EPHB1: variants seen among roughly 807,000 people sequenced by gnomAD.
EPHB1 encodes EPH receptor B1.
A neutral mutation model predicts 94.4 loss-of-function variants in EPHB1; 30 were observed. That is an observed-to-expected ratio of 0.32 (90% CI 0.24 to 0.43). EPHB1 has a LOEUF of 0.43. EPHB1 is among the 20% of genes least tolerant of loss of function. EPHB1 has a pLI of 1.00. For synonymous variants in EPHB1, 522 were observed against 489.1 expected, an observed-to-expected ratio of 1.07 and a Z score of -0.89; for missense variants, 1,055 against 1,308.3, an observed-to-expected ratio of 0.81 and a Z score of 2.99.
At chr3:135,052,969 A>ATG (rs1559810962) in intron 3 of EPHB1, among the ~76,000 whole-genome samples, 2 of 113,776 alleles carry the variant, frequency 1.8e-5, no homozygotes, top group South Asian at 3.0e-4. Flanking sequence ...GTGTATATAT[A>ATG]TGTGTATATA....
At chr3:135,107,366 A>T (rs1283278148) in intron 4 of EPHB1, among the ~76,000 whole-genome samples, 1 of 152,298 alleles carries the variant, frequency 6.6e-6, no homozygotes, top group East Asian at 1.9e-4. Flanking sequence ...TCTCCCCAAT[A>T]ATTGTGGAAG....
At chr3:135,198,298 A>G (rs561938730) in intron 11 of EPHB1, among the ~76,000 whole-genome samples, 2 of 152,268 alleles carry the variant, frequency 1.3e-5, no homozygotes, top group Admixed American at 6.5e-5. Context: ...GGCTGATCAC[A>G]TACATTTTCT....
intron 1 of EPHB1, among the ~76,000 whole-genome samples, chr3:134,874,145 T>C (rs2037563790): frequency 6.6e-6 from 1 of 152,144 alleles, no homozygotes; most frequent in Non-Finnish European, 1.5e-5. Context: ...TTCTTTAATG[T>C]AATCTCAAAA....
intron 4 of EPHB1, among the ~76,000 whole-genome samples, chr3:135,113,012 C>A (rs577542272): frequency 2.0e-5 from 3 of 152,116 alleles, no homozygotes; most frequent in Non-Finnish European, 4.4e-5. Flanking sequence ...GATATTACCC[C>A]GATATGTAAT....
chr3:135,044,069 C>G (rs1936927396), intron 3 of EPHB1, among the ~76,000 whole-genome samples: 1 of 152,156 alleles, frequency 6.6e-6, no homozygotes, highest in African/African-American at 2.4e-5. Flanking sequence ...AAAATGGATT[C>G]TAATTAAAAC....
chr3:134,850,132 G>A (rs11928990), intron 1 of EPHB1, among the ~76,000 whole-genome samples: 4 of 152,168 alleles, frequency 2.6e-5, no homozygotes, highest in Admixed American at 1.3e-4. Context: ...TCTTTGGAGC[G>A]GCTTCTTTCT....
intron 3 of EPHB1, among the ~76,000 whole-genome samples, chr3:135,104,608 A>C (rs1559831680): frequency 2.6e-5 from 4 of 152,216 alleles, no homozygotes. Context: ...CTTGGTGAAA[A>C]AACATAGCAT....
At chr3:135,048,599 T>C (rs1937077633) in intron 3 of EPHB1, among the ~76,000 whole-genome samples, 1 of 152,200 alleles carries the variant, frequency 6.6e-6, no homozygotes, top group Non-Finnish European at 1.5e-5. Context: ...CAAGGTCCCA[T>C]AAATTAGATT....
intron 3 of EPHB1, among the ~76,000 whole-genome samples, chr3:134,980,427 A>T: frequency 6.6e-6 from 1 of 152,078 alleles, no homozygotes; most frequent in East Asian, 1.9e-4. Flanking sequence ...TCACAAGCCC[A>T]GCCAGATTCA....
chr3:134,823,720 C>G (rs1223502845), intron 1 of EPHB1: 1 of 152,248 alleles, frequency 6.6e-6, no homozygotes, highest in African/African-American at 2.4e-5. Flanking sequence ...GTTTTCCACT[C>G]TCCTTCAAAC....
rs143813204 is a variant in EPHB1 at position 135,088,922 on chromosome 3, A to G, written c.806-17526A>G. 6.2e-3 allele frequency among the ~76,000 whole-genome samples: 948 copies of G among 152,358 alleles called. 13 individuals carry two copies. The highest frequency in any genetic ancestry group is 0.022 in the African/African-American group (910 of 41,588). ...ATACTTTTAATTGAGCAGTTATTTC[A>G]TGCCAGATATTGTATCAAACATTTA... On this transcript the variant is annotated intron_variant, in intron 3 of 15. Coordinates refer to ENST00000398015, the MANE Select transcript of EPHB1 (RefSeq NM_004441.5).
At chr3:134,882,051 C>T (rs1015236012) in intron 1 of EPHB1, among the ~76,000 whole-genome samples, 47 of 152,170 alleles carry the variant, frequency 3.1e-4, no homozygotes, top group African/African-American at 1.1e-3. Context: ...CAAGCTAATT[C>T]AGTACTAATT....
intron 3 of EPHB1, among the ~76,000 whole-genome samples, chr3:135,083,166 CCA>C (rs1938222035): frequency 6.6e-6 from 1 of 152,068 alleles, no homozygotes; most frequent in African/African-American, 2.4e-5. Flanking sequence ...CCTGATGACC[CCA>C]TTGGAGCAGC....
chr3:134,923,240 AT>A (rs2038723674), intron 1 of EPHB1, among the ~76,000 whole-genome samples: 1 of 152,096 alleles, frequency 6.6e-6, no homozygotes, highest in African/African-American at 2.4e-5. Context: ...AGCTTTCTTT[AT>A]TTGCTTTTAC....
In EPHB1 at chr3:135,248,399, T is replaced by C. The variant is rs1451488887; in HGVS notation, c.2580T>C (p.Cys860=). 1.2e-6 allele frequency: 2 copies of C among 1,613,934 alleles called. No homozygotes were observed. Among genetic ancestry groups the C allele is most frequent in the South Asian group, 2.2e-5 (2 of 91,050 alleles). The part of the protein sequence containing the change: ...PAALHQLMLD[C]WQKDRNSRPR... ...CTCTACACCAGCTCATGCTGGACTG[T>C]TGGCAGAAGGACCGGAACAGCCGGC... is the stretch of plus-strand genomic sequence containing the variant. Residue 860 remains cysteine, a synonymous_variant, in exon 14 of 16, where the codon TGT becomes TGC. Transcript: ENST00000398015.
chr3:134,982,418 A>G (rs1934437652), intron 3 of EPHB1, among the ~76,000 whole-genome samples: 1 of 152,192 alleles, frequency 6.6e-6, no homozygotes, highest in Non-Finnish European at 1.5e-5. Flanking sequence ...TTCACATGGA[A>G]TGCAAATCTT....
chr3:135,029,303 A>G (rs1285689641), intron 3 of EPHB1, among the ~76,000 whole-genome samples: 1 of 151,886 alleles, frequency 6.6e-6, no homozygotes, highest in African/African-American at 2.4e-5. Flanking sequence ...TAGTTGATGC[A>G]GTTTCTTCCT....
chr3:135,043,277 GTAA>G (rs3067430), intron 3 of EPHB1, among the ~76,000 whole-genome samples: 16 of 149,814 alleles, frequency 1.1e-4, no homozygotes, highest in South Asian at 2.1e-4. Context: ...AATAATAATA[GTAA>G]TAATAATAAT....
intron 5 of EPHB1, among the ~76,000 whole-genome samples, chr3:135,137,819 T>G (rs1940673701): frequency 6.6e-6 from 1 of 152,238 alleles, no homozygotes; most frequent in African/African-American, 2.4e-5. Context: ...TTTTTCTCCC[T>G]AGACTGTTTC....
Sources: allele counts gnomAD v4.1 joint callset (sites outside exome capture counted in the v4.1 genomes callset), GRCh38; gene constraint gnomAD v4.1.1; transcripts MANE v1.5; gene names NCBI Gene and HGNC (gene_info 2026-07-23, HGNC 2026-07-21).